The following OTUD7A variants were observed in gnomAD, a reference collection of about 807,000 sequenced individuals.
OTUD7A encodes the protein OTU deubiquitinase 7A, also known as OTU domain-containing protein 7A.
A neutral mutation model predicts 65.7 loss-of-function variants in OTUD7A; 12 were observed. The ratio of observed to expected loss-of-function variants is 0.18; its 90% CI spans 0.12 to 0.30. The LOEUF is 0.30. Among genes scored for constraint, OTUD7A ranks in the 10% least tolerant of loss-of-function variants. OTUD7A has a pLI of 1.00. For missense variants in OTUD7A, 1,148 were observed against 1,304.8 expected, an observed-to-expected ratio of 0.88 and a Z score of 1.85; for synonymous variants, 641 against 586.3, an observed-to-expected ratio of 1.09 and a Z score of -1.35.
chr15:31,857,494 C>T (rs983980776), intron 1 of OTUD7A, among the ~76,000 whole-genome samples: 1 of 152,102 alleles, frequency 6.6e-6, no homozygotes, highest in South Asian at 2.1e-4. Context: ...CTTACACACT[C>T]GGGAAAGGAA....
chr15:31,496,147 T>A (rs2041380838), intron 10 of OTUD7A, among the ~76,000 whole-genome samples: 1 of 151,936 alleles, frequency 6.6e-6, no homozygotes, highest in South Asian at 2.1e-4. Flanking sequence ...TGTCTTGTAA[T>A]AGGCATTACA....
At chr15:31,858,144 G>A (rs1897625305) in intron 1 of OTUD7A, among the ~76,000 whole-genome samples, 1 of 152,170 alleles carries the variant, frequency 6.6e-6, no homozygotes, top group Non-Finnish European at 1.5e-5. Context: ...GGGGCAGAAA[G>A]GTGAGGTCAA....
At chr15:31,610,711 T>G (rs898921670) in intron 3 of OTUD7A, among the ~76,000 whole-genome samples, 1 of 139,860 alleles carries the variant, frequency 7.2e-6, no homozygotes, top group Non-Finnish European at 1.5e-5. Context: ...AAGCTCCGCC[T>G]CCCAGGTTCA....
chr15:31,815,885 C>A (rs1472204919), intron 1 of OTUD7A, among the ~76,000 whole-genome samples: 2 of 152,244 alleles, frequency 1.3e-5, no homozygotes, highest in Non-Finnish European at 2.9e-5. Context: ...TCTCTCTTTG[C>A]CCATAGGACA....
intron 1 of OTUD7A, among the ~76,000 whole-genome samples, chr15:31,734,578 T>C (rs192002975): frequency 1.5e-4 from 23 of 152,198 alleles, no homozygotes; most frequent in African/African-American, 4.8e-4. Flanking sequence ...TGGTACACAA[T>C]AGAGAGACCA....
chr15:31,848,420 T>C (rs1231202466), intron 1 of OTUD7A, among the ~76,000 whole-genome samples: 4 of 152,080 alleles, frequency 2.6e-5, no homozygotes. Context: ...CAGTTGTAGG[T>C]AATACTCTAA....
intron 3 of OTUD7A, among the ~76,000 whole-genome samples, chr15:31,624,096 C>G (rs1039347767): frequency 1.3e-5 from 2 of 152,190 alleles, no homozygotes; most frequent in African/African-American, 4.8e-5. Flanking sequence ...AAAGTGGCTA[C>G]TTGGAATACA....
At chr15:31,795,487 G>A (rs1414503348) in intron 1 of OTUD7A, among the ~76,000 whole-genome samples, 1 of 152,214 alleles carries the variant, frequency 6.6e-6, no homozygotes, top group Non-Finnish European at 1.5e-5. Flanking sequence ...GGAGTTGGGG[G>A]ATGAGAAAAT....
chr15:31,609,242 C>T (rs970191252), intron 3 of OTUD7A, among the ~76,000 whole-genome samples: 3 of 152,182 alleles, frequency 2.0e-5, no homozygotes, highest in Non-Finnish European at 4.4e-5. Flanking sequence ...GGGGAAGGCG[C>T]GAATCTGACG....
At chr15:31,571,724 C>A (rs1356563541) in intron 3 of OTUD7A, among the ~76,000 whole-genome samples, 1 of 152,178 alleles carries the variant, frequency 6.6e-6, no homozygotes, top group East Asian at 1.9e-4. Flanking sequence ...TGTTTAACTT[C>A]CAGCACTCAG....
At chr15:31,551,823 C>T (rs149724708) in intron 5 of OTUD7A, among the ~76,000 whole-genome samples, 3 of 152,324 alleles carry the variant, frequency 2.0e-5, no homozygotes, top group East Asian at 1.9e-4. Context: ...TCTGTGAGAG[C>T]TCCTGCCATG....
chr15:31,580,475 A>G (rs913129433), intron 3 of OTUD7A, among the ~76,000 whole-genome samples: 1 of 152,216 alleles, frequency 6.6e-6, no homozygotes, highest in Non-Finnish European at 1.5e-5. Flanking sequence ...CATTTGCGCA[A>G]TACTGGTGCA....
At chr15:31,711,422 C>T (rs1893442700) in intron 1 of OTUD7A, among the ~76,000 whole-genome samples, 1 of 151,654 alleles carries the variant, frequency 6.6e-6, no homozygotes, top group South Asian at 2.1e-4. Context: ...AACATGTTTT[C>T]CTTCCTTTGT....
intron 9 of OTUD7A, among the ~76,000 whole-genome samples, chr15:31,502,289 T>C (rs1479555286): frequency 2.0e-5 from 3 of 152,170 alleles, no homozygotes; most frequent in Non-Finnish European, 2.9e-5. Flanking sequence ...AAGATGTAAG[T>C]CAGATGGGAA....
intron 1 of OTUD7A, among the ~76,000 whole-genome samples, chr15:31,752,002 T>C (rs1894650336): frequency 6.6e-6 from 1 of 152,136 alleles, no homozygotes; most frequent in African/African-American, 2.4e-5. Context: ...CATCACACAA[T>C]ATACCCTTGT....
Position 31,487,661 on chromosome 15 carries a change from G to GATACGGCGCC in OTUD7A, c.1172-96_1172-95insGGCGCCGTAT. On this transcript the variant is annotated intron_variant, in intron 10 of 12. Coordinates refer to ENST00000307050, the MANE Select transcript of OTUD7A (RefSeq NM_001382637.1). This position sits in a 1 kb window ranked among gnomAD's most constrained non-coding sequence, Gnocchi z 6.0. ...CAAGCCAGGTATCTGGGTGACAAAT[G>GATACGGCGCC]CACCGAGTGGACATCTACACAGATC... The GATACGGCGCC allele has an allele frequency of 3.4e-6, 3 of 870,882 alleles. No homozygotes were observed. Among genetic ancestry groups the GATACGGCGCC allele is most frequent in the East Asian group, 2.8e-5 (1 of 36,040 alleles). The allele number at this position is 870,882 out of a possible 1,614,324, so 53.9% of individuals were successfully genotyped here.
At chr15:31,770,260 A>G (rs1223862901) in intron 1 of OTUD7A, among the ~76,000 whole-genome samples, 1 of 152,242 alleles carries the variant, frequency 6.6e-6, no homozygotes, top group Non-Finnish European at 1.5e-5. Context: ...TACAGACACC[A>G]AAAGTATTAA....
chr15:31,584,500 C>T (rs746083138), intron 3 of OTUD7A, among the ~76,000 whole-genome samples: 1 of 152,214 alleles, frequency 6.6e-6, no homozygotes, highest in Non-Finnish European at 1.5e-5. Context: ...TGTCTGAAGA[C>T]CTGCTAATGA....
At chr15:31,496,530 A>G (rs1040773297) in intron 10 of OTUD7A, among the ~76,000 whole-genome samples, 1 of 152,190 alleles carries the variant, frequency 6.6e-6, no homozygotes, top group African/African-American at 2.4e-5. Flanking sequence ...CCGATAAATG[A>G]TTCTTTAACA....
Sources: gnomAD v4.1 joint callset for allele counts (sites outside exome capture counted in the v4.1 genomes callset) on GRCh38, gnomAD v4.1.1 for gene constraint, Gnocchi (gnomAD v3.1) non-coding constraint, MANE v1.5 for transcripts, NCBI Gene and HGNC (gene_info 2026-07-23, HGNC 2026-07-21) for gene names.